Variants in ZDHHC3 observed in about 807,000 individuals in gnomAD.
ZDHHC3 encodes palmitoyltransferase ZDHHC3.
A neutral mutation model predicts 30.6 loss-of-function variants in ZDHHC3; 9 were observed. The ratio of observed to expected loss-of-function variants is 0.29; its 90% CI spans 0.18 to 0.51. The LOEUF is 0.51. Ranked by LOEUF, ZDHHC3 falls within the 20% of genes least tolerant of loss-of-function variation. The pLI is 0.97. For missense variants in ZDHHC3, 246 were observed against 384.2 expected (o/e 0.64, Z 3.01); for synonymous variants, 136 against 140.2 (o/e 0.97, Z 0.21).
chr3:44,942,961 G>A (rs765059229), intron 3 of ZDHHC3, among the ~76,000 whole-genome samples: 1 of 152,118 alleles, frequency 6.6e-6, no homozygotes, highest in African/African-American at 2.4e-5. Flanking sequence ...AAAACAGCTG[G>A]CTCCTAAGCC....
At chr3:44,936,372 G>A (rs962575462) in intron 3 of ZDHHC3, among the ~76,000 whole-genome samples, 1 of 152,184 alleles carries the variant, frequency 6.6e-6, no homozygotes, top group African/African-American at 2.4e-5. Flanking sequence ...GCTGGCGAAA[G>A]TGCAGATACA....
intron 1 of ZDHHC3, among the ~76,000 whole-genome samples, chr3:44,970,453 T>C (rs1042217126): frequency 6.6e-6 from 1 of 152,220 alleles, no homozygotes; most frequent in Non-Finnish European, 1.5e-5. Context: ...GCAAGACAGT[T>C]ACCATTCTGG....
In ZDHHC3 at chr3:44,923,188, G is replaced by T. The variant is rs1017608654; in HGVS notation, c.*3501C>A. On this transcript the variant is annotated 3_prime_UTR_variant, in exon 7 of 7. Transcript: ENST00000424952. ...CTTCCCGGGTTCACGCCATTCTCCT[G>T]CCTCAGCCTCCCAAGTAGCTGGGAC... 1.6e-5 allele frequency: 14 copies of T among 849,444 alleles called. 1 individual carries two copies. Among genetic ancestry groups the T allele is most frequent in the Non-Finnish European group, 2.8e-6 (2 of 706,942 alleles). 52.6% of individuals were successfully genotyped at this position (849,444 alleles called of 1,614,324 possible). A position where few individuals can be genotyped will look rare whatever the true frequency, so the allele number is the denominator to read the frequency against.
rs1700897182 is a variant in ZDHHC3, at chr3:44,925,369, G to T, written c.*1320C>A. The T allele has an allele frequency of 2.0e-6, 2 of 985,796 alleles. No individual in the cohort carries two copies. Among genetic ancestry groups the T allele is most frequent in the African/African-American group, 3.5e-5 (2 of 57,358 alleles). The allele number at this position is 985,796 out of a possible 1,614,324, so 61.1% of individuals were successfully genotyped here. Reference sequence around the variant, plus strand: ...CTAAAAAAGGGGGTTTCTGGCAATTGCTTAAAAAACAAATCAATGTGTGAG... The same window carrying T: ...CTAAAAAAGGGGGTTTCTGGCAATTTCTTAAAAAACAAATCAATGTGTGAG... On this transcript the variant is annotated 3_prime_UTR_variant, in exon 7 of 7. Coordinates refer to ENST00000424952, the MANE Select transcript of ZDHHC3 (RefSeq NM_001135179.2).
At position 44,934,001 on chromosome 3, in the gene ZDHHC3, G is replaced by A; in HGVS notation, c.432-17C>T. ...TTACAAACACTGAAACAGCCCACAG[G>A]TCAGACCTTTAGGGCATCCCCATGG... On this transcript the variant is annotated splice_polypyrimidine_tract_variant and intron_variant, in intron 3 of 6. Transcript: ENST00000424952. 1 of 1,613,734 alleles carries A rather than the reference G, an allele frequency of 6.2e-7. No homozygotes were observed. Among genetic ancestry groups the A allele is most frequent in the Non-Finnish European group, 8.5e-7 (1 of 1,179,672 alleles).
At chr3:44,970,232 G>C (rs971514257) in intron 1 of ZDHHC3, among the ~76,000 whole-genome samples, 4 of 152,218 alleles carry the variant, frequency 2.6e-5, no homozygotes, top group African/African-American at 9.6e-5. Flanking sequence ...AGAGCCCTGG[G>C]AGGAACCTGG....
chr3:44,919,393 T>A lies in ZDHHC3; in HGVS notation c.*7296A>T, dbSNP rs1700439747. 6.5e-6 allele frequency: 1 copy of A among 152,712 alleles called. No individual in the cohort carries two copies. Among genetic ancestry groups the A allele is most frequent in the Non-Finnish European group, 1.5e-5 (1 of 68,512 alleles). 9.5% of individuals were successfully genotyped at this position (152,712 alleles called of 1,614,324 possible). A position where few individuals can be genotyped will look rare whatever the true frequency, so the allele number is the denominator to read the frequency against. On this transcript the variant is annotated 3_prime_UTR_variant, in exon 7 of 7. Coordinates refer to ENST00000424952, the MANE Select transcript of ZDHHC3 (RefSeq NM_001135179.2). Reference sequence around the variant, plus strand: ...TCTGAAGGACAGCCTACAGAATACCTGCCCTACAATCTTCAAAAGGGTCAA... The same window carrying A: ...TCTGAAGGACAGCCTACAGAATACCAGCCCTACAATCTTCAAAAGGGTCAA...
chr3:44,940,030 G>A (rs549439762), intron 3 of ZDHHC3, among the ~76,000 whole-genome samples: 1 of 152,222 alleles, frequency 6.6e-6, no homozygotes, highest in Non-Finnish European at 1.5e-5. Context: ...CCAGAAGGGT[G>A]CTGGGGCTGG....
chr3:44,926,532 T>A lies in ZDHHC3; in HGVS notation c.*157A>T, dbSNP rs1303959892. ...TAAAAAATAAAATGTGGGGACTTTT[T>A]TTTTTCTCTGCAATGCTCAGCCATT... On this transcript the variant is annotated 3_prime_UTR_variant, in exon 7 of 7. Transcript: ENST00000424952. 1 of 1,260,686 alleles carries A rather than the reference T, an allele frequency of 7.9e-7. No individual in the cohort carries two copies. The highest frequency in any genetic ancestry group is 4.0e-5 in the Admixed American group (1 of 25,032). The allele number at this position is 1,260,686 out of a possible 1,614,324, so 78.1% of individuals were successfully genotyped here.
At chr3:44,949,696 G>T (rs1286194920) in intron 2 of ZDHHC3, among the ~76,000 whole-genome samples, 1 of 152,194 alleles carries the variant, frequency 6.6e-6, no homozygotes, top group Non-Finnish European at 1.5e-5. Context: ...GCACTGTGAA[G>T]GGCCAGGGTC....
intron 2 of ZDHHC3, among the ~76,000 whole-genome samples, chr3:44,951,028 AAATAC>A (rs1278982757): frequency 6.6e-6 from 1 of 152,248 alleles, no homozygotes; most frequent in Admixed American, 6.5e-5. Context: ...TTAAGAAAGA[AAATAC>A]AGATGAAAAA....
At position 44,933,930 on chromosome 3, in the gene ZDHHC3, G is replaced by A. The variant is rs373752597; in HGVS notation, c.486C>T (p.Asn162=). ...KMDHHCPWVN[N]CVGENNQKYF... is the part of the protein sequence containing the mutation. ...ACTTCTGGTTGTTCTCGCCTACACA[G>A]TTGTTGACCCAGGGACAGTGGTGGT... Residue 162 remains asparagine (N), a synonymous_variant, in exon 4 of 7, where the codon AAC becomes AAT. Transcript: ENST00000424952. The A allele has an allele frequency of 1.2e-6, 2 of 1,614,092 alleles. No individual in the cohort carries two copies. Among genetic ancestry groups the A allele is most frequent in the Non-Finnish European group, 1.7e-6 (2 of 1,180,054 alleles).
intron 2 of ZDHHC3, among the ~76,000 whole-genome samples, chr3:44,952,016 C>T (rs1004209202): frequency 9.9e-5 from 15 of 152,214 alleles, no homozygotes; most frequent in Non-Finnish European, 2.9e-5. Flanking sequence ...TCTACTTCCA[C>T]CATCACTCGG....
intron 5 of ZDHHC3, among the ~76,000 whole-genome samples, chr3:44,930,003 T>C (rs1001778905): frequency 4.3e-4 from 66 of 152,242 alleles, no homozygotes; most frequent in Non-Finnish European, 5.7e-4. Context: ...TTGACCACAG[T>C]GTGAGGTAAT....
intron 3 of ZDHHC3, among the ~76,000 whole-genome samples, chr3:44,939,131 G>A (rs1371419069): frequency 2.0e-5 from 3 of 152,156 alleles, no homozygotes; most frequent in Admixed American, 2.0e-4. Flanking sequence ...TCTCAGACAT[G>A]CTGGCCTGGT....
rs1701010913 is a variant in ZDHHC3, at chr3:44,926,597, T to A, written c.*92A>T. On this transcript the variant is annotated 3_prime_UTR_variant, in exon 7 of 7. Coordinates refer to ENST00000424952, the MANE Select transcript of ZDHHC3 (RefSeq NM_001135179.2). ...AAAAAAGTTTTAAGAGTAGTTGTTT[T>A]GCTTTTTCGATTTAAACATTCATGA... 1 of 1,313,928 alleles carries A rather than the reference T, an allele frequency of 7.6e-7. No homozygotes were observed. Among genetic ancestry groups the A allele is most frequent in the Admixed American group, 3.5e-5 (1 of 28,572 alleles). The allele number at this position is 1,313,928 out of a possible 1,614,324, so 81.4% of individuals were successfully genotyped here.
intron 3 of ZDHHC3, among the ~76,000 whole-genome samples, chr3:44,944,124 G>A (rs1410273326): frequency 1.3e-5 from 2 of 152,038 alleles, no homozygotes; most frequent in African/African-American, 4.8e-5. Flanking sequence ...CTGCAGATGT[G>A]TGCCACCACA....
intron 1 of ZDHHC3, among the ~76,000 whole-genome samples, chr3:44,965,542 TAGTGATGGGC>T (rs1280977428): frequency 1.3e-5 from 2 of 152,118 alleles, no homozygotes; most frequent in African/African-American, 4.8e-5. Context: ...TGTTGACTGC[TAGTGATGGGC>T]AGAATCCAGC....
intron 2 of ZDHHC3, among the ~76,000 whole-genome samples, chr3:44,945,767 C>T (rs907035599): frequency 1.3e-5 from 2 of 152,052 alleles, no homozygotes; most frequent in Admixed American, 6.5e-5. Context: ...CCATGTTGGC[C>T]AGGATGGTCT....
Sources: allele counts gnomAD v4.1 joint callset (sites outside exome capture counted in the v4.1 genomes callset), GRCh38; gene constraint gnomAD v4.1.1; transcripts MANE v1.5; gene names NCBI Gene and HGNC (gene_info 2026-07-23, HGNC 2026-07-21).